The following CCDC181 variants were observed in gnomAD, a reference collection of about 807,000 sequenced individuals.
The protein encoded by CCDC181 is coiled-coil domain-containing protein 181.
In CCDC181, 35 loss-of-function variants were observed where a neutral mutation model predicts 58.7. The observed-to-expected ratio is 0.60, with a 90% confidence interval of 0.46 to 0.79. The LOEUF (loss-of-function observed/expected upper bound fraction) is 0.79. Ranked by LOEUF, CCDC181 falls within the 30% of genes least tolerant of loss-of-function variation. The pLI is 0.00. For synonymous variants in CCDC181, 183 were observed against 197.5 expected, an observed-to-expected ratio of 0.93 and a Z score of 0.62; for missense variants, 517 against 583.9, an observed-to-expected ratio of 0.89 and a Z score of 1.18.
At chr1:169,452,427 A>G (rs899843423) in intron 2 of CCDC181, 3 of 152,028 alleles carry the variant, frequency 2.0e-5, no homozygotes, top group African/African-American at 7.2e-5. Context: ...AGCAGTACTG[A>G]CAGTTCTTTT....
intron 4 of CCDC181, among the ~76,000 whole-genome samples, chr1:169,399,382 T>C (rs751509463): frequency 6.6e-6 from 1 of 152,226 alleles, no homozygotes; most frequent in Non-Finnish European, 1.5e-5. Flanking sequence ...TATGTCATGC[T>C]TTAAATGATT....
chr1:169,449,282 T>C (rs78428153), intron 2 of CCDC181, among the ~76,000 whole-genome samples: 74 of 152,330 alleles, frequency 4.9e-4, no homozygotes, highest in Non-Finnish European at 9.3e-4. Context: ...TGTGAGGTTT[T>C]GTTTTAATAT....
intron 4 of CCDC181, among the ~76,000 whole-genome samples, chr1:169,418,566 A>C (rs1571488462): frequency 6.6e-6 from 1 of 151,634 alleles, no homozygotes; most frequent in Non-Finnish European, 1.5e-5. Flanking sequence ...TAAGAATATG[A>C]ATGATTTTTA....
chr1:169,438,953 C>T (rs934320568), intron 2 of CCDC181, among the ~76,000 whole-genome samples: 1 of 152,152 alleles, frequency 6.6e-6, no homozygotes, highest in Non-Finnish European at 1.5e-5. Context: ...CCAAACTATC[C>T]TCCTATTCTC....
chr1:169,398,383 C>G (rs1289303866), intron 4 of CCDC181, among the ~76,000 whole-genome samples: 2 of 152,136 alleles, frequency 1.3e-5, no homozygotes, highest in African/African-American at 4.8e-5. Flanking sequence ...TCACACTGTA[C>G]TCCATAAATA....
chr1:169,402,657 C>A (rs1655416039), intron 4 of CCDC181, among the ~76,000 whole-genome samples: 1 of 152,040 alleles, frequency 6.6e-6, no homozygotes, highest in Admixed American at 6.5e-5. Context: ...CTGAAGGAAG[C>A]ACTAAACATG....
chr1:169,410,465 CA>C (rs955547262), intron 4 of CCDC181, among the ~76,000 whole-genome samples: 2 of 152,146 alleles, frequency 1.3e-5, no homozygotes, highest in Non-Finnish European at 2.9e-5. Flanking sequence ...ACCCTGCTGT[CA>C]ATATTAGACA....
upstream of CCDC181, among the ~76,000 whole-genome samples, chr1:169,429,738 C>T (rs1656857602): frequency 6.6e-6 from 1 of 152,170 alleles, no homozygotes; most frequent in Non-Finnish European, 1.5e-5. Flanking sequence ...TGAAGATTTT[C>T]TCCCACTCTG....
intron 4 of CCDC181, among the ~76,000 whole-genome samples, chr1:169,406,919 G>A (rs1655693525): frequency 1.3e-5 from 2 of 151,888 alleles, no homozygotes; most frequent in Non-Finnish European, 1.5e-5. Flanking sequence ...CCTCAAGATG[G>A]ATCAATAGAA....
chr1:169,403,168 C>G (rs1655451889), intron 4 of CCDC181, among the ~76,000 whole-genome samples: 1 of 152,218 alleles, frequency 6.6e-6, no homozygotes, highest in Non-Finnish European at 1.5e-5. Context: ...AAAGCAAACC[C>G]TTAGAGACCT....
intron 1 of CCDC181, among the ~76,000 whole-genome samples, chr1:169,425,954 T>C (rs1031432517): frequency 6.6e-6 from 1 of 152,018 alleles, no homozygotes; most frequent in Non-Finnish European, 1.5e-5. Context: ...ACATGAAAAC[T>C]AAAATTTAAA....
intron 3 of CCDC181, among the ~76,000 whole-genome samples, 163 bp from the exon 4 acceptor site, chr1:169,419,322 G>A (rs1656359953): frequency 6.6e-6 from 1 of 152,196 alleles, no homozygotes. Flanking sequence ...GCTCATGCCT[G>A]TAATCCCAGC....
At chr1:169,451,965 TGGAACTAGGTAGTTGA>T (rs1657554658) in intron 2 of CCDC181, among the ~76,000 whole-genome samples, 1 of 152,094 alleles carries the variant, frequency 6.6e-6, no homozygotes, top group Non-Finnish European at 1.5e-5. Flanking sequence ...CAAGTAAATA[TGGAACTAGGTAGTTGA>T]ATATGTAAGT....
In CCDC181 at chr1:169,400,035, C is replaced by T. The variant is rs746997808; in HGVS notation, c.1216-2644G>A. On this transcript the variant is annotated intron_variant, in intron 4 of 5. Transcript: ENST00000367806. ...GGTTTCCCTTGGGTCTTGGCAAGGC[C>T]TGGGCTGCACATGTGTAGAGTGAGG... Among the ~76,000 whole-genome samples, 3 of 152,244 alleles carry T rather than the reference C, an allele frequency of 2.0e-5. 1 individual carries two copies. Among genetic ancestry groups the T allele is most frequent in the Non-Finnish European group, 4.4e-5 (3 of 68,020 alleles).
chr1:169,397,308 TTCTG>T lies in CCDC181; in HGVS notation c.1295_1298del (p.Thr432LysfsTer3), dbSNP rs766272282. 1.2e-5 allele frequency: 19 copies of T among 1,612,342 alleles called. No homozygotes were observed. The highest frequency in any genetic ancestry group is 1.3e-5 in the Non-Finnish European group (15 of 1,179,286). On this transcript the variant is annotated frameshift_variant, in exon 5 of 6. Coordinates refer to ENST00000367806, the MANE Select transcript of CCDC181 (RefSeq NM_001300969.2). LOFTEE classifies it high-confidence loss of function. The stretch of plus-strand genomic sequence containing the variant: ...AACATTCCTCTTGCTTTCTTAGTTC[TTCTG>T]TCTGTCTTTCTTTCATCTGCTCTTC...
chr1:169,452,260 A>C (rs1657562083), intron 2 of CCDC181, among the ~76,000 whole-genome samples: 1 of 152,174 alleles, frequency 6.6e-6, no homozygotes, highest in East Asian at 1.9e-4. Flanking sequence ...TATGTTCCAG[A>C]AGCCATAGGA....
Position 169,454,777 on chromosome 1 carries a change from T to C in CCDC181, c.-24+5020A>G, listed in dbSNP as rs993117656. ...CAATGTTCATGACCTACCTATTCCATCTCCCTGTCTTACCAAAAAAGGTAA... is the reference window on the plus strand; with the variant it reads ...CAATGTTCATGACCTACCTATTCCACCTCCCTGTCTTACCAAAAAAGGTAA... On this transcript the variant is annotated intron_variant, in intron 2 of 6. Transcript: ENST00000545005. Among the ~76,000 whole-genome samples the C allele has an allele frequency of 4.6e-5, 7 of 152,124 alleles. No homozygotes were observed. The East Asian group carries it at 1.3e-3, about 29-fold the overall frequency.
chr1:169,446,032 C>T (rs1397225670), intron 2 of CCDC181, among the ~76,000 whole-genome samples: 4 of 152,028 alleles, frequency 2.6e-5, no homozygotes, highest in Non-Finnish European at 5.9e-5. Context: ...TTTTATTGAT[C>T]TTTTCAAAGA....
At chr1:169,430,829 G>A (rs915817037), upstream of CCDC181, among the ~76,000 whole-genome samples, 1 of 152,160 alleles carries the variant, frequency 6.6e-6, no homozygotes, top group African/African-American at 2.4e-5. Flanking sequence ...CCCACTAGAG[G>A]TTTCCCATTG....
Sources: gnomAD v4.1 joint callset for allele counts (sites outside exome capture counted in the v4.1 genomes callset) on GRCh38, gnomAD v4.1.1 for gene constraint, MANE v1.5 for transcripts, NCBI Gene and HGNC (gene_info 2026-07-23, HGNC 2026-07-21) for gene names.